The following FAM168A variants were observed in gnomAD, a reference collection of about 807,000 sequenced individuals.
The protein encoded by FAM168A is protein FAM168A.
FAM168A carries 3 observed loss-of-function variants against 28.5 expected under a neutral mutation model. The ratio of observed to expected loss-of-function variants is 0.11; its 90% CI spans 0.05 to 0.27. The LOEUF (loss-of-function observed/expected upper bound fraction) is 0.27, where lower values mean the gene tolerates loss of function less well. Among genes scored for constraint, FAM168A ranks in the 10% least tolerant of loss-of-function variants. FAM168A has a pLI of 1.00. For missense variants in FAM168A, 222 were observed against 311.5 expected, an observed-to-expected ratio of 0.71 and a Z score of 2.16; for synonymous variants, 122 against 124.2, an observed-to-expected ratio of 0.98 and a Z score of 0.12.
intron 1 of FAM168A, among the ~76,000 whole-genome samples, chr11:73,479,104 C>G (rs990232645): frequency 2.0e-5 from 3 of 152,126 alleles, no homozygotes; most frequent in Non-Finnish European, 4.4e-5. Flanking sequence ...CTTTCCTCTC[C>G]CCTTACTGAT....
At chr11:73,554,798 A>T (rs1347836915) in intron 1 of FAM168A, among the ~76,000 whole-genome samples, 1 of 152,248 alleles carries the variant, frequency 6.6e-6, no homozygotes, top group East Asian at 1.9e-4. Flanking sequence ...TCAGACTCCC[A>T]GGAGGTCACT....
At chr11:73,441,062 C>CTT (rs368552302) in intron 2 of FAM168A, among the ~76,000 whole-genome samples, 7,119 of 143,128 alleles carry the variant, frequency 0.05, 550 homozygotes, top group African/African-American at 0.16. Context: ...ATCAGACAGA[C>CTT]TTTTTTTTTT....
At chr11:73,556,282 G>A (rs1162225143) in intron 1 of FAM168A, among the ~76,000 whole-genome samples, 3 of 151,824 alleles carry the variant, frequency 2.0e-5, no homozygotes, top group Non-Finnish European at 2.9e-5. Context: ...CTAAGAATTC[G>A]AGGTTGCAAT....
chr11:73,407,486 C>A, intron 7 of FAM168A, 27 bp downstream of exon 7: 1 of 1,481,190 alleles, frequency 6.8e-7, no homozygotes. Flanking sequence ...ATCCCCCTCC[C>A]ACTTCTCTCA....
intron 1 of FAM168A, among the ~76,000 whole-genome samples, chr11:73,488,067 C>A (rs1264747350): frequency 6.6e-6 from 1 of 151,984 alleles, no homozygotes; most frequent in African/African-American, 2.4e-5. Context: ...GGAAAACACA[C>A]AATTATGTTT....
intron 5 of FAM168A, among the ~76,000 whole-genome samples, 200 bp downstream of exon 5, chr11:73,411,194 G>A (rs774030956): frequency 3.4e-4 from 52 of 152,236 alleles, no homozygotes; most frequent in Admixed American, 1.0e-3. Flanking sequence ...ATGACTTCAT[G>A]CCTACCCCCT....
At chr11:73,580,433 G>T (rs1428533983) in intron 1 of FAM168A, 2 of 621,260 alleles carry the variant, frequency 3.2e-6, no homozygotes, top group Non-Finnish European at 6.1e-6. Flanking sequence ...AAAAGCTGAG[G>T]CTGGCCAGGA....
chr11:73,478,591 C>T (rs972411277), intron 1 of FAM168A, among the ~76,000 whole-genome samples: 1 of 152,154 alleles, frequency 6.6e-6, no homozygotes, highest in Non-Finnish European at 1.5e-5. Flanking sequence ...AAAATGAGTA[C>T]ATTTATCATA....
chr11:73,569,857 T>TAAATAAATAAAC (rs1210704680), intron 1 of FAM168A, among the ~76,000 whole-genome samples: 59 of 135,214 alleles, frequency 4.4e-4, no homozygotes, highest in Middle Eastern at 3.6e-3. Context: ...AATAAATAAA[T>TAAATAAATAAAC]AAACAAAATA....
At chr11:73,566,141 C>T (rs1045120663) in intron 1 of FAM168A, among the ~76,000 whole-genome samples, 15 of 152,128 alleles carry the variant, frequency 9.9e-5, no homozygotes, top group African/African-American at 3.1e-4. Flanking sequence ...GGTTTAAATG[C>T]ACAATAAGTG....
chr11:73,403,119 C>T lies in FAM168A; in HGVS notation c.*3644G>A, dbSNP rs576366587. 21 of 152,278 alleles carry T rather than the reference C, an allele frequency of 1.4e-4. No individual in the cohort carries two copies. Among genetic ancestry groups the T allele is most frequent in the Non-Finnish European group, 2.8e-4 (19 of 68,032 alleles). The allele number at this position is 152,278 out of a possible 1,614,324, so 9.4% of individuals were successfully genotyped here. On this transcript the variant is annotated 3_prime_UTR_variant, in exon 8 of 8. Transcript: ENST00000356467. ...GTCAAAGTACTTTGCATACCAAAAA[C>T]GCTCTGGACAGGTGTGTGTGTCTCT...
At chr11:73,488,085 T>C (rs1293900778) in intron 1 of FAM168A, among the ~76,000 whole-genome samples, 2 of 152,088 alleles carry the variant, frequency 1.3e-5, no homozygotes, top group Non-Finnish European at 2.9e-5. Flanking sequence ...TTTACTAAAG[T>C]TAAAATTTAA....
chr11:73,529,573 T>C (rs1943490505), intron 1 of FAM168A, among the ~76,000 whole-genome samples: 1 of 152,176 alleles, frequency 6.6e-6, no homozygotes, highest in Non-Finnish European at 1.5e-5. Context: ...ATGTTCTCCT[T>C]ACCTTCTCTC....
rs186974745 is a variant in FAM168A, at chr11:73,575,785, C to G, written c.-19+22138G>C. Among the ~76,000 whole-genome samples the G allele has an allele frequency of 2.4e-3, 361 of 152,156 alleles. 10 individuals carry two copies. The highest frequency in any genetic ancestry group is 0.014 in the Middle Eastern group (4 of 294). On this transcript the variant is annotated intron_variant, in intron 1 of 7. Coordinates refer to ENST00000356467, the MANE Select transcript of FAM168A (RefSeq NM_015159.3). The stretch of plus-strand genomic sequence containing the variant: ...TCGGGAGGCTGAGGCAGGACAATCA[C>G]TTGAACCTGGGAGGTGGAGGTTGCA...
intron 1 of FAM168A, among the ~76,000 whole-genome samples, chr11:73,473,774 G>C (rs1015869927): frequency 6.6e-6 from 1 of 151,696 alleles, no homozygotes; most frequent in African/African-American, 2.4e-5. Context: ...ATCTAAAATA[G>C]GTCCTCCACA....
chr11:73,522,300 G>T (rs1306320627), intron 1 of FAM168A, among the ~76,000 whole-genome samples: 2 of 152,044 alleles, frequency 1.3e-5, no homozygotes, highest in East Asian at 3.9e-4. Flanking sequence ...AGGAACCGGG[G>T]TCATCAGGAC....
intron 1 of FAM168A, among the ~76,000 whole-genome samples, chr11:73,484,511 T>G (rs77306652): frequency 0.1 from 7,826 of 77,902 alleles, 625 homozygotes; most frequent in African/African-American, 0.3. Context: ...GAGAGAGATA[T>G]ATATAGATAT....
intron 1 of FAM168A, among the ~76,000 whole-genome samples, chr11:73,597,608 T>A (rs1944451844): frequency 6.6e-6 from 1 of 151,084 alleles, no homozygotes; most frequent in Non-Finnish European, 1.5e-5. Flanking sequence ...TAGTCTCATC[T>A]TCCACCTCGC....
intron 1 of FAM168A, chr11:73,510,680 T>G (rs1359360560): frequency 2.9e-6 from 1 of 344,782 alleles, no homozygotes; most frequent in African/African-American, 2.1e-5. Context: ...GGATTCGGAA[T>G]AATTTCCCAT....
Sources: gnomAD v4.1 joint callset for allele counts (sites outside exome capture counted in the v4.1 genomes callset) on GRCh38, gnomAD v4.1.1 for gene constraint, MANE v1.5 for transcripts, NCBI Gene and HGNC (gene_info 2026-07-23, HGNC 2026-07-21) for gene names.